ARSJ: variants seen among roughly 807,000 people sequenced by gnomAD.
ARSJ encodes the protein arylsulfatase family member J, also known as arylsulfatase J.
Under a neutral mutation model 35.9 loss-of-function variants are expected in ARSJ, and 26 were observed. That is an observed-to-expected ratio of 0.72 (90% CI 0.53 to 1.00). The LOEUF (loss-of-function observed/expected upper bound fraction) is 1.00, where lower values mean the gene tolerates loss of function less well. ARSJ is among the 50% of genes least tolerant of loss of function. The pLI is 0.00. For missense variants in ARSJ, 667 were observed against 723.6 expected (o/e 0.92, Z 0.90); for synonymous variants, 294 against 267.6 (o/e 1.10, Z -0.96).
intron 1 of ARSJ, among the ~76,000 whole-genome samples, chr4:113,940,384 C>A (rs1360176426): frequency 6.6e-6 from 1 of 152,098 alleles, no homozygotes. Context: ...CAAACTAATG[C>A]AGGGGCAGAA....
chr4:113,954,687 T>C lies in ARSJ; in HGVS notation c.398+23750A>G, dbSNP rs770976271. 1.6e-4 allele frequency among the ~76,000 whole-genome samples: 24 copies of C among 152,186 alleles called. 1 individual carries two copies. The highest frequency in any genetic ancestry group is 2.9e-5 in the Non-Finnish European group (2 of 67,962). On this transcript the variant is annotated intron_variant, in intron 1 of 1. Transcript: ENST00000315366. ...AACCAATAGGTGATAATTTATCTCA[T>C]AGCAGCAGGATAGATGAGCCCAGCT...
At chr4:113,955,636 C>T (rs929644645) in intron 1 of ARSJ, among the ~76,000 whole-genome samples, 12 of 151,988 alleles carry the variant, frequency 7.9e-5, no homozygotes, top group East Asian at 1.9e-4. Flanking sequence ...GAGTGCTTTC[C>T]GGTCTACATG....
chr4:113,934,769 T>C (rs1724665301), intron 1 of ARSJ, among the ~76,000 whole-genome samples: 1 of 151,794 alleles, frequency 6.6e-6, no homozygotes, highest in South Asian at 2.1e-4. Flanking sequence ...ACATGTGAAA[T>C]TATATTAAAC....
intron 1 of ARSJ, among the ~76,000 whole-genome samples, chr4:113,933,334 T>C (rs1431517931): frequency 1.3e-5 from 2 of 151,974 alleles, no homozygotes; most frequent in Admixed American, 1.3e-4. Flanking sequence ...AAAGGGAATA[T>C]ATTAAAGCTC....
At position 113,924,059 on chromosome 4, in the gene ARSJ, AT is replaced by A. The variant is rs1245916201; in HGVS notation, c.399-20385del. Among the ~76,000 whole-genome samples, 261 of 110,256 alleles carry A rather than the reference AT, an allele frequency of 2.4e-3. 3 individuals are homozygous for A. The highest frequency in any genetic ancestry group is 0.011 in the African/African-American group (251 of 23,434). 72.3% of individuals were successfully genotyped at this position (110,256 alleles called of 152,430 possible). A position where few individuals can be genotyped will look rare whatever the true frequency, so the allele number is the denominator to read the frequency against. On this transcript the variant is annotated intron_variant, in intron 1 of 1. Transcript: ENST00000315366. Reference sequence around the variant, plus strand: ...TAAATATATATAAATATATATAAATATATATAAATATATATAAATATATATA... The same window carrying A: ...TAAATATATATAAATATATATAAATAATATAAATATATATAAATATATATA...
intron 1 of ARSJ, among the ~76,000 whole-genome samples, chr4:113,971,156 T>C (rs568089313): frequency 6.6e-5 from 10 of 151,982 alleles, no homozygotes; most frequent in African/African-American, 2.4e-4. Context: ...AGGTAAAGTC[T>C]TACAAAAAAG....
intron 1 of ARSJ, among the ~76,000 whole-genome samples, chr4:113,975,496 G>T (rs943961737): frequency 6.6e-6 from 1 of 152,104 alleles, no homozygotes; most frequent in Admixed American, 6.6e-5. Context: ...AAAAAAAGAA[G>T]TGAGTAAATT....
At chr4:113,940,167 C>T (rs1725054943) in intron 1 of ARSJ, among the ~76,000 whole-genome samples, 1 of 152,086 alleles carries the variant, frequency 6.6e-6, no homozygotes, top group African/African-American at 2.4e-5. Context: ...ATAAATCATT[C>T]TGTTATAAAG....
At chr4:113,940,939 T>C (rs1725120842) in intron 1 of ARSJ, among the ~76,000 whole-genome samples, 1 of 151,998 alleles carries the variant, frequency 6.6e-6, no homozygotes. Context: ...TTCTTTGTTC[T>C]CTTCCAGTTT....
chr4:113,953,888 T>C (rs1726011713), intron 1 of ARSJ, among the ~76,000 whole-genome samples: 1 of 152,010 alleles, frequency 6.6e-6, no homozygotes, highest in African/African-American at 2.4e-5. Flanking sequence ...GGTCCCTGAT[T>C]TCAAGGATGT....
At chr4:113,975,215 A>C (rs1727518628) in intron 1 of ARSJ, among the ~76,000 whole-genome samples, 1 of 152,176 alleles carries the variant, frequency 6.6e-6, no homozygotes, top group South Asian at 2.1e-4. Context: ...ATCCTATTAG[A>C]AATAAACATT....
intron 1 of ARSJ, among the ~76,000 whole-genome samples, chr4:113,947,841 A>G (rs2149273232): frequency 6.6e-6 from 1 of 152,190 alleles, no homozygotes; most frequent in South Asian, 2.1e-4. Context: ...TTGTCTGAAT[A>G]TGGATATTTT....
At chr4:113,928,503 T>A (rs1338441051) in intron 1 of ARSJ, among the ~76,000 whole-genome samples, 3 of 152,170 alleles carry the variant, frequency 2.0e-5, no homozygotes, top group African/African-American at 7.2e-5. Context: ...TGCAGTAGGC[T>A]TCCTATCAAT....
chr4:113,955,118 A>T (rs959360550), intron 1 of ARSJ, among the ~76,000 whole-genome samples: 6 of 151,754 alleles, frequency 4.0e-5, no homozygotes, highest in African/African-American at 1.5e-4. Flanking sequence ...AGGCACTTTT[A>T]ACATCAGCAG....
At chr4:113,935,732 G>A (rs778833548) in intron 1 of ARSJ, among the ~76,000 whole-genome samples, 15 of 151,996 alleles carry the variant, frequency 9.9e-5, no homozygotes, top group South Asian at 2.1e-4. Flanking sequence ...GAAAAAGGAT[G>A]TATCTGCTAC....
In ARSJ at chr4:113,901,458, G is replaced by C. The variant is rs1282716904; in HGVS notation, c.*816C>G. On this transcript the variant is annotated 3_prime_UTR_variant, in exon 2 of 2. Transcript: ENST00000315366. ...GAAATGAAATAAAATTATTCTAATGGTATGCAGGAAATAAAAATAAAATAA... is the reference window on the plus strand; with the variant it reads ...GAAATGAAATAAAATTATTCTAATGCTATGCAGGAAATAAAAATAAAATAA... 32 of 114,682 alleles carry C rather than the reference G, an allele frequency of 2.8e-4. No individual in the cohort carries two copies. In the Admixed American group the frequency reaches 3.1e-3, roughly 11 times the overall value. The allele number at this position is 114,682 out of a possible 1,614,324, so 7.1% of individuals were successfully genotyped here. A position where few individuals can be genotyped will look rare whatever the true frequency, so the allele number is the denominator to read the frequency against.
chr4:113,940,252 A>G (rs1725061432), intron 1 of ARSJ, among the ~76,000 whole-genome samples: 1 of 152,208 alleles, frequency 6.6e-6, no homozygotes, highest in South Asian at 2.1e-4. Context: ...ATGCCCATCA[A>G]TGATAGACTG....
At chr4:113,971,339 T>G (rs989176101) in intron 1 of ARSJ, among the ~76,000 whole-genome samples, 3 of 152,224 alleles carry the variant, frequency 2.0e-5, no homozygotes, top group African/African-American at 7.2e-5. Context: ...CAAGACATCG[T>G]CAGCCTTCTG....
At chr4:113,969,972 G>T (rs1727140240) in intron 1 of ARSJ, among the ~76,000 whole-genome samples, 2 of 152,172 alleles carry the variant, frequency 1.3e-5, no homozygotes, top group South Asian at 4.1e-4. Flanking sequence ...CATGCCTAAT[G>T]AGACAGTTAC....
Sources: gnomAD v4.1 joint callset for allele counts (sites outside exome capture counted in the v4.1 genomes callset) on GRCh38, gnomAD v4.1.1 for gene constraint, MANE v1.5 for transcripts, NCBI Gene and HGNC (gene_info 2026-07-23, HGNC 2026-07-21) for gene names.